The following MAMDC4 variants were observed in gnomAD, a reference collection of about 807,000 sequenced individuals.
The protein encoded by MAMDC4 is MAM domain containing 4.
MAMDC4 carries 168 observed loss-of-function variants against 153.3 expected under a neutral mutation model. The observed-to-expected ratio is 1.10, with a 90% CI of 0.97 to 1.25. MAMDC4 has a LOEUF of 1.25. MAMDC4 is among the 50% of genes most tolerant of loss of function. The pLI is 0.00. For synonymous variants in MAMDC4, 744 were observed against 651.5 expected (o/e 1.14, Z -2.16); for missense variants, 1,701 against 1,542.8 (o/e 1.10, Z -1.72).
chr9:136,852,539 G>C, intron 1 of MAMDC4, 77 bp downstream of exon 1: 3 of 1,545,368 alleles, frequency 1.9e-6, no homozygotes, highest in Non-Finnish European at 2.7e-6. Flanking sequence ...TGGCAGTGAC[G>C]GACACCAGGG....
At chr9:136,856,863 CGA>C (rs1335412954) in intron 15 of MAMDC4, 37 bp downstream of exon 15, 7 of 1,612,232 alleles carry the variant, frequency 4.3e-6, no homozygotes, top group African/African-American at 4.0e-5. Context: ...GGCTTTCAGA[CGA>C]GAGTGGGGCA....
intron 15 of MAMDC4, 37 bp from the exon 16 acceptor site, chr9:136,856,870 G>A (rs776003175): frequency 1.9e-6 from 3 of 1,612,204 alleles, no homozygotes; most frequent in South Asian, 2.2e-5. Flanking sequence ...AGACGAGAGT[G>A]GGGCATCTCT....
Position 136,855,626 on chromosome 9 carries a change from G to A in MAMDC4, c.1471+7G>A, listed in dbSNP as rs369328582. On this transcript the variant is annotated splice_region_variant and intron_variant, in intron 12 of 26. Transcript: ENST00000317446. ...GAGGACGAGCAGGCCTGTGGTAAAG[G>A]GGCTCAACCTCCTGCAGACCTCCTG... The A allele has an allele frequency of 7.9e-5, 125 of 1,572,346 alleles. No homozygotes were observed. The Middle Eastern group carries it at 1.8e-3, about 23-fold the overall frequency.
At chr9:136,855,656 G>C (rs562952232) in intron 12 of MAMDC4, 37 bp downstream of exon 12, 2 of 1,564,818 alleles carry the variant, frequency 1.3e-6, no homozygotes, top group Non-Finnish European at 1.7e-6. Flanking sequence ...CTCCTGCTGC[G>C]GAGCCAAGGG....
In MAMDC4 at chr9:136,858,081, C is replaced by CCGAG. The variant is rs760759601; in HGVS notation, c.2573_2576dup (p.Trp860SerfsTer7). The stretch of plus-strand genomic sequence containing the variant: ...CGCCTGGGCAGCATGGACGTGCAGG[C>CCGAG]CGAGCGAGCCTGGAGGGTGAGTGCA... On this transcript the variant is annotated frameshift_variant, in exon 20 of 27. Transcript: ENST00000317446. LOFTEE classifies it high-confidence loss of function. The CCGAG allele has an allele frequency of 8.6e-5, 132 of 1,531,702 alleles. No individual in the cohort carries two copies. The African/African-American group carries it at 1.6e-3, about 19-fold the overall frequency. 94.9% of individuals were successfully genotyped at this position (1,531,702 alleles called of 1,614,324 possible).
At position 136,857,996 on chromosome 9, in the gene MAMDC4, C is replaced by G; in HGVS notation, c.2482C>G (p.Leu828Val). ...LRSPGTLRVY[L>V]EERGRHQVLS... ...GCTGGCAGGCACCCTGCGGGTCTAC[C>G]TGGAGGAGCGCGGGAGGCACCAGGT... The change falls in exon 20 of 27, where the codon CTG becomes GTG. Residue 828 changes from leucine to valine, a missense_variant. Transcript: ENST00000317446. 1 of 1,521,428 alleles carries G rather than the reference C, an allele frequency of 6.6e-7. No individual in the cohort carries two copies. The highest frequency in any genetic ancestry group is 8.8e-7 in the Non-Finnish European group (1 of 1,138,580). 94.2% of individuals were successfully genotyped at this position (1,521,428 alleles called of 1,614,324 possible). A position where few individuals can be genotyped will look rare whatever the true frequency, so the allele number is the denominator to read the frequency against.
intron 1 of MAMDC4, 121 bp downstream of exon 1, chr9:136,852,583 C>T: frequency 7.7e-7 from 1 of 1,294,712 alleles, no homozygotes; most frequent in Middle Eastern, 1.9e-4. Flanking sequence ...AGGAGGGTTG[C>T]AAGGTACTAC....
In MAMDC4 at chr9:136,856,695, T is replaced by C. The variant is rs1849009688; in HGVS notation, c.1721-15T>C. ...AGGGGAGAAGGTGTGTGACGCCACC[T>C]GGCCCCACCCCCAGAGGTCTCCTGT... is the stretch of plus-strand genomic sequence containing the variant. On this transcript the variant is annotated splice_polypyrimidine_tract_variant and intron_variant, in intron 14 of 26. Transcript: ENST00000317446. The C allele has an allele frequency of 1.2e-6, 2 of 1,611,700 alleles. No individual in the cohort carries two copies.
intron 14 of MAMDC4, 155 bp downstream of exon 14, chr9:136,856,304 T>C: frequency 8.2e-7 from 1 of 1,222,038 alleles, no homozygotes. Context: ...GGAGCTGGCA[T>C]GGCAGGCCCT....
chr9:136,858,475 A>T lies in MAMDC4; in HGVS notation c.2750A>T (p.Asp917Val), dbSNP rs369547889. ...CCCGGCCTGGGCGGATACAGCTGGG[A>T]CTGGGGCGGGGGAGCCACCCCCTCT... ...AWPGLGGYSW[D>V]WGGGATPSRY... The change falls in exon 22 of 27, where the codon GAC becomes GTC. Residue 917 changes from aspartate (D) to valine (V), a missense_variant. By Grantham distance (152) the Asp-to-Val change is radical. Coordinates refer to ENST00000317446, the MANE Select transcript of MAMDC4 (RefSeq NM_206920.3). The T allele has an allele frequency of 1.9e-6, 3 of 1,609,080 alleles. No individual in the cohort carries two copies. The highest frequency in any genetic ancestry group is 2.5e-6 in the Non-Finnish European group (3 of 1,179,484).
At position 136,857,457 on chromosome 9, in the gene MAMDC4, T is replaced by G. The variant is rs1312306318; in HGVS notation, c.2197T>G (p.Tyr733Asp). 6.2e-7 allele frequency: 1 copy of G among 1,608,770 alleles called. No individual in the cohort carries two copies. The highest frequency in any genetic ancestry group is 8.5e-7 in the Non-Finnish European group (1 of 1,179,940). ...VRPGPCWAPN[Y>D]CSFEDSDCGF... ...GCCGGGCCCCTGCTGGGCCCCTAAT[T>G]ACTGCTCCTTTGAGGACTCAGACTG... The change falls in exon 18 of 27, where the codon TAC becomes GAC. Residue 733 changes from tyrosine to aspartate, a missense_variant. By Grantham distance (160) the Tyr-to-Asp change is radical. Coordinates refer to ENST00000317446, the MANE Select transcript of MAMDC4 (RefSeq NM_206920.3).
In MAMDC4 at chr9:136,858,104, G is replaced by A. The variant is rs1484689145; in HGVS notation, c.2583+7G>A. 6.5e-7 allele frequency: 1 copy of A among 1,533,598 alleles called. No homozygotes were observed. The allele number at this position is 1,533,598 out of a possible 1,614,324, so 95.0% of individuals were successfully genotyped here. ...GGCCGAGCGAGCCTGGAGGGTGAGT[G>A]CAGGGTGGGGTGCCCCTCCCCCTCC... On this transcript the variant is annotated splice_region_variant and intron_variant, in intron 20 of 26. Transcript: ENST00000317446.
Position 136,859,096 on chromosome 9 carries a change from G to C in MAMDC4, c.3048G>C (p.Glu1016Asp). The change falls in exon 24 of 27, where the codon GAG becomes GAC. Residue 1016 changes from glutamate (E) to aspartate (D), a missense_variant. Coordinates refer to ENST00000317446, the MANE Select transcript of MAMDC4 (RefSeq NM_206920.3). ...GGCATCGGCGGCACCAGTGGCTGGA[G>C]GCCCAGGTGGAGGTAGCCAGTGCCA... ...AGGHRRHQWL[E>D]AQVEVASAKE... The C allele has an allele frequency of 6.4e-7, 1 of 1,552,276 alleles. No homozygotes were observed. The highest frequency in any genetic ancestry group is 8.7e-7 in the Non-Finnish European group (1 of 1,147,996).
rs751778544 is a variant in MAMDC4 at position 136,857,796 on chromosome 9, G to A, written c.2464G>A (p.Gly822Ser). 13 of 1,611,806 alleles carry A rather than the reference G, an allele frequency of 8.1e-6. No homozygotes were observed. In the Admixed American group the frequency reaches 1.2e-4, roughly 14 times the overall value. Residue 822 changes from glycine to serine, a missense_variant and splice_region_variant, in exon 19 of 27, where the codon GGC becomes AGC. Coordinates refer to ENST00000317446, the MANE Select transcript of MAMDC4 (RefSeq NM_206920.3). ...GTACCACGGGAGCCTCCGCAGCCCA[G>A]GTGAGGGGCTTTGGGAGGGGGCCCC... is the stretch of plus-strand genomic sequence containing the variant. ...FWYHGSLRSPGTLRVYLEERG... is the reference protein window; with the variant it reads ...FWYHGSLRSPSTLRVYLEERG...
intron 1 of MAMDC4, 80 bp from the exon 2 acceptor site, chr9:136,853,022 C>A: frequency 8.0e-7 from 1 of 1,246,380 alleles, no homozygotes. Flanking sequence ...ATGTCCAGTG[C>A]TAAAACTGAA....
Position 136,857,784 on chromosome 9 carries a change from C to T in MAMDC4, c.2452C>T (p.Leu818Phe). Residue 818 changes from leucine to phenylalanine, a missense_variant, in exon 19 of 27, where the codon CTC becomes TTC. Physicochemically the swap from Leu to Phe is conservative, Grantham distance 22 (BLOSUM62 0). Transcript: ENST00000317446. ...TCTGACCTTCTGGTACCACGGGAGC[C>T]TCCGCAGCCCAGGTGAGGGGCTTTG... ...ACLTFWYHGS[L>F]RSPGTLRVYL... 1 of 1,612,368 alleles carries T rather than the reference C, an allele frequency of 6.2e-7. No homozygotes were observed. Among genetic ancestry groups the T allele is most frequent in the Non-Finnish European group, 8.5e-7 (1 of 1,179,750 alleles).
chr9:136,858,992 GC>G lies in MAMDC4; in HGVS notation c.2957-10del. 6.6e-7 allele frequency: 1 copy of G among 1,515,112 alleles called. No homozygotes were observed. 93.9% of individuals were successfully genotyped at this position (1,515,112 alleles called of 1,614,324 possible). A position where few individuals can be genotyped will look rare whatever the true frequency, so the allele number is the denominator to read the frequency against. ...AGGACCCCAGGCCTGACACGCCCTG[GC>G]CCTGCTCTCAGACAAGGGGGAGCTG... On this transcript the variant is annotated splice_polypyrimidine_tract_variant and intron_variant, in intron 23 of 26. Coordinates refer to ENST00000317446, the MANE Select transcript of MAMDC4 (RefSeq NM_206920.3).
At chr9:136,859,783 C>T (rs1470102689) in intron 25 of MAMDC4, 103 bp from the exon 26 acceptor site, 3 of 1,265,508 alleles carry the variant, frequency 2.4e-6, no homozygotes, top group Non-Finnish European at 3.3e-6. Flanking sequence ...GGGTGAACCC[C>T]AGGAGCCAGC....
rs1482288010 is a variant in MAMDC4 at position 136,856,782 on chromosome 9, G to C, written c.1793G>C (p.Trp598Ser). ...PGHLSDTHWRWVESRGPDHDH... is the reference protein window; with the variant it reads ...PGHLSDTHWRSVESRGPDHDH... Reference sequence around the variant, plus strand: ...CACCTCTCAGACACACACTGGCGCTGGGTGGAGAGCCGCGGCCCTGACCAC... The same window carrying C: ...CACCTCTCAGACACACACTGGCGCTCGGTGGAGAGCCGCGGCCCTGACCAC... The change falls in exon 15 of 27, where the codon TGG becomes TCG. Residue 598 changes from tryptophan (W) to serine (S), a missense_variant. Transcript: ENST00000317446. 6.2e-7 allele frequency: 1 copy of C among 1,611,744 alleles called. No individual in the cohort carries two copies. The highest frequency in any genetic ancestry group is 8.5e-7 in the Non-Finnish European group (1 of 1,179,490).
Sources: gnomAD v4.1 joint callset for allele counts on GRCh38, gnomAD v4.1.1 for gene constraint, MANE v1.5 for transcripts, NCBI Gene and HGNC (gene_info 2026-07-23, HGNC 2026-07-21) for gene names.